Variants in DNAH12 observed in about 807,000 individuals in gnomAD.
The protein encoded by DNAH12 is axonemal beta dynein heavy chain 12.
In DNAH12, 285 loss-of-function variants were observed where a neutral mutation model predicts 371.5. The observed-to-expected ratio is 0.77, with a 90% confidence interval of 0.70 to 0.85. The LOEUF is 0.85. Ranked by LOEUF, DNAH12 falls within the 40% of genes least tolerant of loss-of-function variation. DNAH12 has a pLI of 0.00. For missense variants in DNAH12, 3,611 were observed against 3,689.4 expected (o/e 0.98, Z 0.55); for synonymous variants, 1,200 against 1,213.0 (o/e 0.99, Z 0.22).
chr3:57,395,142 G>C (rs2063710527), intron 43 of DNAH12, among the ~76,000 whole-genome samples: 1 of 152,026 alleles, frequency 6.6e-6, no homozygotes. Flanking sequence ...TCAAGTTATT[G>C]TATCAATATA....
rs1257469702 is a variant in DNAH12, at chr3:57,453,290, A to G, written c.3570T>C (p.Ile1190=). Residue 1190 remains isoleucine (I), a synonymous_variant, in exon 24 of 74, where the codon ATT becomes ATC. Coordinates refer to ENST00000495027, the MANE Select transcript of DNAH12 (RefSeq NM_001366028.2). Reference sequence around the variant, plus strand: ...TGACCACATCTCTAGCATGGACATCAATAGTAACCAAAGCCCCCAGAGTGG... The same window carrying G: ...TGACCACATCTCTAGCATGGACATCGATAGTAACCAAAGCCCCCAGAGTGG... ...TRTTLGALVT[I]DVHARDVVMD... 3.9e-6 allele frequency: 6 copies of G among 1,548,908 alleles called. No homozygotes were observed. In the South Asian group the frequency reaches 4.8e-5, roughly 12 times the overall value.
chr3:57,303,876 T>G (rs2061413997), intron 69 of DNAH12, among the ~76,000 whole-genome samples: 1 of 152,170 alleles, frequency 6.6e-6, no homozygotes, highest in Non-Finnish European at 1.5e-5. Context: ...TGGCCTGAAG[T>G]AACTGAAGAA....
intron 22 of DNAH12, among the ~76,000 whole-genome samples, chr3:57,457,261 C>T (rs1190790570): frequency 6.6e-6 from 1 of 152,190 alleles, no homozygotes; most frequent in Non-Finnish European, 1.5e-5. Flanking sequence ...TCCTTTCCAA[C>T]CTCATGTCAC....
intron 60 of DNAH12, among the ~76,000 whole-genome samples, chr3:57,345,144 T>TAA: frequency 6.6e-6 from 1 of 152,320 alleles, no homozygotes; most frequent in Non-Finnish European, 1.5e-5. Flanking sequence ...GTATATACTG[T>TAA]ATTTACCAAT....
chr3:57,471,717 G>A, intron 14 of DNAH12, 111 bp from the exon 15 acceptor site: 1 of 901,848 alleles, frequency 1.1e-6, no homozygotes, highest in Non-Finnish European at 1.5e-6. Flanking sequence ...GTAAAAATGA[G>A]TACAAAAATA....
Position 57,327,045 on chromosome 3 carries a change from C to A in DNAH12, c.9979-3426G>T, listed in dbSNP as rs1377553561. Among the ~76,000 whole-genome samples the A allele has an allele frequency of 2.6e-5, 4 of 151,500 alleles. No homozygotes were observed. The East Asian group carries it at 5.8e-4, about 22-fold the overall frequency. ...TATATATGCACCCAATACAGGAGCACCCAGATTCATAAAGCAAGTCCTGAG... is the reference window on the plus strand; with the variant it reads ...TATATATGCACCCAATACAGGAGCAACCAGATTCATAAAGCAAGTCCTGAG... On this transcript the variant is annotated intron_variant, in intron 62 of 73. Transcript: ENST00000495027.
In DNAH12 at chr3:57,471,479, A is replaced by T. The variant is rs1320400989; in HGVS notation, c.1904T>A (p.Met635Lys). 6.5e-7 allele frequency: 1 copy of T among 1,544,622 alleles called. No individual in the cohort carries two copies. Among genetic ancestry groups the T allele is most frequent in the African/African-American group, 1.4e-5 (1 of 72,630 alleles). The part of the protein sequence containing the change: ...EFTEFAELER[M>K]QQYVTDVRQL... ...CTCATATATTTATCAGACCTGTTGCATGCGCTCCAGCTCTGCAAATTCTGT... is the reference window on the plus strand; with the variant it reads ...CTCATATATTTATCAGACCTGTTGCTTGCGCTCCAGCTCTGCAAATTCTGT... Residue 635 changes from methionine (M) to lysine (K), a missense_variant, in exon 15 of 74, where the codon ATG (methionine) becomes AAG (lysine). Physicochemically the swap from Met to Lys is moderately conservative, Grantham distance 95. This residue lies in a region of DNAH12 where 1,314 missense variants were observed against 1,398.7 expected (regional missense o/e 0.94). Coordinates refer to ENST00000495027, the MANE Select transcript of DNAH12 (RefSeq NM_001366028.2).
Position 57,437,191 on chromosome 3 carries a change from T to C in DNAH12, c.4546-131A>G, listed in dbSNP as rs2065156373. 4 of 666,300 alleles carry C rather than the reference T, an allele frequency of 6.0e-6. No homozygotes were observed. In the East Asian group the frequency reaches 9.3e-5, roughly 16 times the overall value. The allele number at this position is 666,300 out of a possible 1,614,324, so 41.3% of individuals were successfully genotyped here. A position where few individuals can be genotyped will look rare whatever the true frequency, so the allele number is the denominator to read the frequency against. On this transcript the variant is annotated intron_variant, in intron 29 of 73. Coordinates refer to ENST00000495027, the MANE Select transcript of DNAH12 (RefSeq NM_001366028.2). ...CATTGTTTATTATTTCTTAAAACTTTATTATTTTTTCAAATCAAGAGGAGA... is the reference window on the plus strand; with the variant it reads ...CATTGTTTATTATTTCTTAAAACTTCATTATTTTTTCAAATCAAGAGGAGA...
At chr3:57,337,019 C>G (rs2062239207) in intron 60 of DNAH12, among the ~76,000 whole-genome samples, 1 of 152,058 alleles carries the variant, frequency 6.6e-6, no homozygotes. Context: ...CTCACCTCAC[C>G]TGAAAAGACA....
rs1001301234 is a variant in DNAH12 at position 57,316,634 on chromosome 3, G to A, written c.10525-2003C>T. ...TCAATTTGTAATCCCCGCTTTTCAA[G>A]GGAGGGACCTATAATCCCTGCGTGT... On this transcript the variant is annotated intron_variant, in intron 65 of 73. Coordinates refer to ENST00000495027, the MANE Select transcript of DNAH12 (RefSeq NM_001366028.2). Among the ~76,000 whole-genome samples the A allele has an allele frequency of 2.6e-5, 4 of 152,088 alleles. No individual in the cohort carries two copies. The South Asian group carries it at 8.3e-4, about 32-fold the overall frequency.
chr3:57,470,467 A>C lies in DNAH12; in HGVS notation c.2081T>G (p.Leu694Trp). The part of the protein sequence containing the change: ...EPYQKFFNFV[L>W]KWQRSEKRWM... ...CCGTTTTTCTGATCGCTGCCACTTC[A>C]AAACAAAATTAAAAAACTTCTGATA... Residue 694 changes from leucine (L) to tryptophan (W), a missense_variant, in exon 16 of 74, where the codon TTG becomes TGG. Around this residue, in one of 3 missense-constraint regions of DNAH12, gnomAD observed 1,314 missense variants for 1,398.7 expected, o/e 0.94. Transcript: ENST00000495027. 6.5e-7 allele frequency: 1 copy of C among 1,530,836 alleles called. No individual in the cohort carries two copies. The highest frequency in any genetic ancestry group is 1.3e-5 in the South Asian group (1 of 78,252). 94.8% of individuals were successfully genotyped at this position (1,530,836 alleles called of 1,614,324 possible).
At chr3:57,417,679 T>G (rs1455755174) in intron 37 of DNAH12, among the ~76,000 whole-genome samples, 1 of 150,458 alleles carries the variant, frequency 6.6e-6, no homozygotes, top group East Asian at 1.9e-4. Context: ...ATCCTACACA[T>G]TACAATTGTT....
At chr3:57,376,263 A>G in intron 53 of DNAH12, among the ~76,000 whole-genome samples, 1 of 151,822 alleles carries the variant, frequency 6.6e-6, no homozygotes, top group Non-Finnish European at 1.5e-5. Flanking sequence ...TTTGCCTAAT[A>G]ATTTTCTCTT....
intron 58 of DNAH12, among the ~76,000 whole-genome samples, chr3:57,359,443 C>A (rs903137347): frequency 2.0e-5 from 3 of 151,144 alleles, no homozygotes; most frequent in Non-Finnish European, 4.4e-5. Context: ...CCTGTAATCC[C>A]AGCTACTCCA....
chr3:57,492,209 C>T (rs938319129), intron 11 of DNAH12, among the ~76,000 whole-genome samples: 1 of 151,746 alleles, frequency 6.6e-6, no homozygotes, highest in Non-Finnish European at 1.5e-5. Context: ...CCCTATAATC[C>T]CAGCACTTTG....
chr3:57,378,277 C>T (rs1180384956), intron 52 of DNAH12, among the ~76,000 whole-genome samples: 4 of 152,050 alleles, frequency 2.6e-5, no homozygotes, highest in Admixed American at 6.6e-5. Context: ...AGATTCCACA[C>T]ATCTGTGGAA....
chr3:57,334,068 G>C (rs948371740), intron 62 of DNAH12, among the ~76,000 whole-genome samples: 1 of 152,252 alleles, frequency 6.6e-6, no homozygotes, highest in Non-Finnish European at 1.5e-5. Context: ...ATGGGAAAGG[G>C]ATTTGTAGCA....
At chr3:57,403,542 A>T in intron 42 of DNAH12, 41 bp from the exon 43 acceptor site, 1 of 1,488,192 alleles carries the variant, frequency 6.7e-7, no homozygotes, top group African/African-American at 1.4e-5. Flanking sequence ...TTACAATATA[A>T]ATGTAAATGT....
chr3:57,369,970 T>C (rs1417048505), intron 55 of DNAH12, among the ~76,000 whole-genome samples: 1 of 152,180 alleles, frequency 6.6e-6, no homozygotes, highest in African/African-American at 2.4e-5. Context: ...AATTGGATTG[T>C]TGTGTCCATC....
Sources: gnomAD v4.1 joint callset for allele counts (sites outside exome capture counted in the v4.1 genomes callset) on GRCh38, gnomAD v4.1.1 for gene constraint, gnomAD v4.1.1 regional missense constraint, MANE v1.5 for transcripts, NCBI Gene and HGNC (gene_info 2026-07-23, HGNC 2026-07-21) for gene names.